UGT2B7: variants seen among roughly 807,000 people sequenced by gnomAD.
UGT2B7 encodes UDP glucuronosyltransferase family 2 member B7.
Under a neutral mutation model 51.9 loss-of-function variants are expected in UGT2B7, and 51 were observed. The observed-to-expected ratio is 0.98, with a 90% CI of 0.78 to 1.24. UGT2B7 has a LOEUF of 1.24. Among genes scored for constraint, UGT2B7 ranks in the 50% most tolerant of loss-of-function variants. The probability of loss-of-function intolerance (pLI) is 0.00; values close to 1 mark genes in which losing one functional copy is unlikely to be tolerated. For synonymous variants in UGT2B7, 225 were observed against 211.6 expected (o/e 1.06, Z -0.55); for missense variants, 727 against 628.4 (o/e 1.16, Z -1.68).
At chr4:69,084,562 C>T (rs1322291626) in intron 1 of UGT2B7, among the ~76,000 whole-genome samples, 3 of 151,962 alleles carry the variant, frequency 2.0e-5, no homozygotes, top group Admixed American at 1.3e-4. Flanking sequence ...AACCAGTCTC[C>T]TAGGTTTTAA....
At chr4:69,063,589 T>C (rs892094689) in intron 1 of UGT2B7, among the ~76,000 whole-genome samples, 1 of 152,054 alleles carries the variant, frequency 6.6e-6, no homozygotes, top group Non-Finnish European at 1.5e-5. Context: ...AAAGAAGGAT[T>C]ATGTGGAAAG....
intron 5 of UGT2B7, among the ~76,000 whole-genome samples, chr4:69,108,763 A>G (rs1362504456): frequency 6.6e-6 from 1 of 152,066 alleles, no homozygotes; most frequent in Non-Finnish European, 1.5e-5. Context: ...TTTAATTTTG[A>G]TAGCATAAAA....
chr4:69,107,072 T>A, intron 3 of UGT2B7, 103 bp from the exon 4 acceptor site: 1 of 1,276,686 alleles, frequency 7.8e-7, no homozygotes, highest in Non-Finnish European at 1.1e-6. Flanking sequence ...TAGTTCTTAT[T>A]TACTAACATC....
At chr4:69,063,193 C>T (rs1460115329) in intron 1 of UGT2B7, among the ~76,000 whole-genome samples, 1 of 150,242 alleles carries the variant, frequency 6.7e-6, no homozygotes, top group East Asian at 2.0e-4. Context: ...GTGGCGGGCG[C>T]CTGTAGTCCC....
At chr4:69,093,711 C>T (rs1213500773), upstream of UGT2B7, among the ~76,000 whole-genome samples, 1 of 152,168 alleles carries the variant, frequency 6.6e-6, no homozygotes, top group Non-Finnish European at 1.5e-5. Context: ...TTACAAAAAT[C>T]TGTGAAAGAA....
At chr4:69,067,758 T>C (rs1487248388) in intron 1 of UGT2B7, 23 of 152,322 alleles carry the variant, frequency 1.5e-4, no homozygotes, top group Admixed American at 1.5e-3. Context: ...CCATGATCAA[T>C]ACACCATTGT....
intron 1 of UGT2B7, among the ~76,000 whole-genome samples, chr4:69,055,649 AG>A (rs1357155431): frequency 6.6e-6 from 1 of 152,192 alleles, no homozygotes; most frequent in Admixed American, 6.5e-5. Context: ...AGTCTCTACA[AG>A]TCACTTCACG....
intron 1 of UGT2B7, among the ~76,000 whole-genome samples, chr4:69,054,105 C>G (rs142517101): frequency 0.026 from 3,901 of 151,738 alleles, 82 homozygotes; most frequent in Middle Eastern, 0.095. Context: ...ATTAGATAAA[C>G]TACATCTATT....
At chr4:69,077,267 C>A (rs1339734518) in intron 1 of UGT2B7, among the ~76,000 whole-genome samples, 4 of 149,116 alleles carry the variant, frequency 2.7e-5, no homozygotes, top group African/African-American at 1.0e-4. Context: ...TCTGCAGGCT[C>A]TTTTTTGGTT....
intron 1 of UGT2B7, among the ~76,000 whole-genome samples, chr4:69,079,629 G>A (rs1012951840): frequency 3.3e-5 from 5 of 151,880 alleles, no homozygotes; most frequent in East Asian, 1.9e-4. Context: ...TTCCATTAAC[G>A]TTGCATTCAT....
At chr4:69,079,887 T>C (rs1326160206) in intron 1 of UGT2B7, among the ~76,000 whole-genome samples, 9 of 152,156 alleles carry the variant, frequency 5.9e-5, no homozygotes, top group Non-Finnish European at 1.2e-4. Context: ...GTGATACAGC[T>C]ATACTGTAAT....
At chr4:69,088,992 T>G (rs982428630) in intron 1 of UGT2B7, among the ~76,000 whole-genome samples, 1 of 152,172 alleles carries the variant, frequency 6.6e-6, no homozygotes, top group Non-Finnish European at 1.5e-5. Flanking sequence ...TTACAGATCA[T>G]GAGTTTTCCC....
chr4:69,108,472 G>C, intron 5 of UGT2B7, 150 bp downstream of exon 5: 1 of 1,039,822 alleles, frequency 9.6e-7, no homozygotes, highest in East Asian at 2.8e-5. Flanking sequence ...ATTTTTATAA[G>C]TTATTTAAAA....
chr4:69,052,347 A>C (rs533188837), intron 1 of UGT2B7, among the ~76,000 whole-genome samples: 181 of 152,246 alleles, frequency 1.2e-3, no homozygotes, highest in Non-Finnish European at 2.2e-3. Context: ...GAGAAAAAAA[A>C]GGCCATCTAT....
upstream of UGT2B7, among the ~76,000 whole-genome samples, chr4:69,092,368 C>G (rs967512009): frequency 2.0e-5 from 3 of 152,140 alleles, no homozygotes; most frequent in African/African-American, 4.8e-5. Flanking sequence ...GTCAGGCACT[C>G]ATGAAGCAGC....
chr4:69,056,187 G>T (rs1330456581), intron 1 of UGT2B7, among the ~76,000 whole-genome samples: 1 of 152,114 alleles, frequency 6.6e-6, no homozygotes, highest in Non-Finnish European at 1.5e-5. Flanking sequence ...AGCCATAGGT[G>T]ATTAAAAAGA....
rs1182400332 is a variant in UGT2B7 at position 69,108,380 on chromosome 4, A to G, written c.1310+58A>G. 3.8e-6 allele frequency: 6 copies of G among 1,573,292 alleles called. No individual in the cohort carries two copies. The East Asian group carries it at 1.4e-4, about 35-fold the overall frequency. ...TTTACAGATAGCTTCTCTTGTCAATAGTGAGTGTGAGTTTCATCCTTTTTA... is the reference window on the plus strand; with the variant it reads ...TTTACAGATAGCTTCTCTTGTCAATGGTGAGTGTGAGTTTCATCCTTTTTA... On this transcript the variant is annotated intron_variant, in intron 5 of 5. Coordinates refer to ENST00000305231, the MANE Select transcript of UGT2B7 (RefSeq NM_001074.4).
At chr4:69,102,163 C>G (rs192205502) in intron 2 of UGT2B7, among the ~76,000 whole-genome samples, 4 of 152,254 alleles carry the variant, frequency 2.6e-5, no homozygotes, top group Admixed American at 6.5e-5. Context: ...AGAATGTCAG[C>G]GGTTCTTAAC....
chr4:69,091,018 A>G (rs12506592), intron 2 of UGT2B7, among the ~76,000 whole-genome samples: 27,998 of 152,070 alleles, frequency 0.18, 2,944 homozygotes, highest in Admixed American at 0.28. Context: ...TGCTCTTCAT[A>G]TATCCATGAC....
Sources: allele counts gnomAD v4.1 joint callset (sites outside exome capture counted in the v4.1 genomes callset), GRCh38; gene constraint gnomAD v4.1.1; transcripts MANE v1.5; gene names NCBI Gene and HGNC (gene_info 2026-07-23, HGNC 2026-07-21).